The following NTNG1 variants were observed in gnomAD, a reference collection of about 807,000 sequenced individuals.
NTNG1 encodes netrin-G1.
A neutral mutation model predicts 54.0 loss-of-function variants in NTNG1; 16 were observed. That is an observed-to-expected ratio of 0.30 (90% CI 0.20 to 0.45). The LOEUF (loss-of-function observed/expected upper bound fraction) is 0.45, where lower values mean the gene tolerates loss of function less well. Ranked by LOEUF, NTNG1 falls within the 20% of genes least tolerant of loss-of-function variation. NTNG1 has a pLI of 1.00. For missense variants in NTNG1, 530 were observed against 678.7 expected (o/e 0.78, Z 2.43); for synonymous variants, 255 against 263.1 (o/e 0.97, Z 0.30).
chr1:107,371,303 A>G (rs578156975), intron 3 of NTNG1, among the ~76,000 whole-genome samples: 31 of 152,188 alleles, frequency 2.0e-4, no homozygotes, highest in African/African-American at 6.5e-4. Flanking sequence ...GCATTTCTGG[A>G]ATATACACAC....
intron 3 of NTNG1, among the ~76,000 whole-genome samples, chr1:107,373,142 A>G (rs1206424440): frequency 6.6e-6 from 1 of 151,932 alleles, no homozygotes; most frequent in East Asian, 1.9e-4. Context: ...TACTTGTCCC[A>G]TTCTTATTGT....
chr1:107,302,805 T>TA (rs1211848487), intron 2 of NTNG1, among the ~76,000 whole-genome samples: 1 of 152,194 alleles, frequency 6.6e-6, no homozygotes, highest in Non-Finnish European at 1.5e-5. Flanking sequence ...ACAGATGACT[T>TA]ACAGACATAT....
chr1:107,468,124 T>A (rs763814158), intron 7 of NTNG1, among the ~76,000 whole-genome samples: 29 of 152,088 alleles, frequency 1.9e-4, no homozygotes, highest in African/African-American at 4.8e-4. Context: ...GAAAAAAAAA[T>A]CATTAAGAAA....
Position 107,338,061 on chromosome 1 carries a change from C to A in NTNG1, c.887+13139C>A, listed in dbSNP as rs6667022. On this transcript the variant is annotated intron_variant, in intron 3 of 7. Coordinates refer to ENST00000370068, the MANE Select transcript of NTNG1 (RefSeq NM_001113226.3). ...GGTAAGCAATTGGAACCACTATAGG[C>A]CCTTGTAAAGTGGCCTATGTTGGGG... 9.9e-3 allele frequency among the ~76,000 whole-genome samples: 1,509 copies of A among 151,930 alleles called. 32 individuals carry two copies. Among genetic ancestry groups the A allele is most frequent in the African/African-American group, 0.035 (1,446 of 41,472 alleles).
rs181103270 is a variant in NTNG1, at chr1:107,315,887, A to G, written c.247-8395A>G. 1.3e-3 allele frequency among the ~76,000 whole-genome samples: 197 copies of G among 152,292 alleles called. 1 individual carries two copies. Among genetic ancestry groups the G allele is most frequent in the African/African-American group, 4.6e-3 (192 of 41,558 alleles). ...TATCCAATAACTATTTATTGAATGA[A>G]TGAATCAGTGAGTAAGTAAATAAAA... On this transcript the variant is annotated intron_variant, in intron 2 of 7. Coordinates refer to ENST00000370068, the MANE Select transcript of NTNG1 (RefSeq NM_001113226.3).
At chr1:107,320,813 G>C (rs1205502433) in intron 2 of NTNG1, among the ~76,000 whole-genome samples, 4 of 151,804 alleles carry the variant, frequency 2.6e-5, no homozygotes, top group African/African-American at 7.2e-5. Flanking sequence ...TCTCCTAAAA[G>C]AGCACGAGTG....
In NTNG1 at chr1:107,407,670, C is replaced by A. The variant is rs1362929243; in HGVS notation, c.1061-12C>A. ...GCTAACAGCTTTTCTTTATTGTTTT[C>A]TTTTTCTCCAGGTATCCCCAGTATT... On this transcript the variant is annotated splice_polypyrimidine_tract_variant and intron_variant, in intron 4 of 7. Transcript: ENST00000370068. 3 of 1,593,498 alleles carry A rather than the reference C, an allele frequency of 1.9e-6. No homozygotes were observed. In the East Asian group the frequency reaches 6.7e-5, roughly 36 times the overall value.
chr1:107,378,786 G>A (rs911750579), intron 3 of NTNG1, among the ~76,000 whole-genome samples: 1 of 152,124 alleles, frequency 6.6e-6, no homozygotes, highest in Admixed American at 6.5e-5. Flanking sequence ...GTTCCTCCTG[G>A]CTCAGTCTGG....
chr1:107,142,688 A>C (rs1036830324), intron 1 of NTNG1, among the ~76,000 whole-genome samples: 18 of 151,536 alleles, frequency 1.2e-4, no homozygotes, highest in South Asian at 8.3e-4. Flanking sequence ...AAAAAAAAAA[A>C]CCCAGGAAGA....
intron 3 of NTNG1, among the ~76,000 whole-genome samples, chr1:107,378,124 G>A (rs531257810): frequency 4.6e-5 from 7 of 152,258 alleles, no homozygotes; most frequent in South Asian, 2.1e-4. Flanking sequence ...ATTATTTTAC[G>A]TGCTTGCAAT....
At position 107,212,871 on chromosome 1, in the gene NTNG1, A is replaced by G. The variant is rs921528645; in HGVS notation, c.246+64032A>G. 3.9e-5 allele frequency among the ~76,000 whole-genome samples: 6 copies of G among 152,040 alleles called. No individual in the cohort carries two copies. In the East Asian group the frequency reaches 1.2e-3, roughly 29 times the overall value. ...AGTATATATCCAGCCTTTTGCATGT[A>G]TTAACTCACTTGATATGAGTTATGT... is the stretch of plus-strand genomic sequence containing the variant. On this transcript the variant is annotated intron_variant, in intron 2 of 7. Transcript: ENST00000370068.
intron 2 of NTNG1, among the ~76,000 whole-genome samples, chr1:107,191,349 T>G (rs1657911791): frequency 6.6e-6 from 1 of 152,142 alleles, no homozygotes. Context: ...ATGAGTAGGT[T>G]GCAAAAATTT....
chr1:107,419,119 G>A (rs1289002263), intron 5 of NTNG1, among the ~76,000 whole-genome samples: 1 of 151,524 alleles, frequency 6.6e-6, no homozygotes, highest in Admixed American at 6.6e-5. Context: ...GCAAAAATTT[G>A]GAGCAATCTG....
At chr1:107,418,634 AC>A in intron 5 of NTNG1, 1 of 1,598,366 alleles carries the variant, frequency 6.3e-7, no homozygotes, top group Non-Finnish European at 8.5e-7. Flanking sequence ...GAGGTTTCTA[AC>A]CCAAAACAAG....
chr1:107,379,013 T>C (rs985905444), intron 3 of NTNG1, among the ~76,000 whole-genome samples: 4 of 152,242 alleles, frequency 2.6e-5, no homozygotes, highest in Non-Finnish European at 5.9e-5. Context: ...TTGAAATACA[T>C]TATCTAATGG....
chr1:107,225,278 C>T (rs890678663), intron 2 of NTNG1, among the ~76,000 whole-genome samples: 1 of 151,874 alleles, frequency 6.6e-6, no homozygotes, highest in African/African-American at 2.4e-5. Context: ...TTGGGATTAG[C>T]AGACATCAAA....
At chr1:107,211,574 A>G (rs762634478) in intron 2 of NTNG1, among the ~76,000 whole-genome samples, 10 of 152,114 alleles carry the variant, frequency 6.6e-5, no homozygotes, top group Non-Finnish European at 1.0e-4. Flanking sequence ...ACATTGCAGC[A>G]TGAGGACAAG....
At chr1:107,320,384 G>A (rs1667583182) in intron 2 of NTNG1, among the ~76,000 whole-genome samples, 1 of 152,092 alleles carries the variant, frequency 6.6e-6, no homozygotes, top group Non-Finnish European at 1.5e-5. Flanking sequence ...GCAGCAAGAA[G>A]TGTACTTTGT....
chr1:107,261,869 G>A (rs1663369612), intron 2 of NTNG1, among the ~76,000 whole-genome samples: 1 of 151,998 alleles, frequency 6.6e-6, no homozygotes, highest in African/African-American at 2.4e-5. Flanking sequence ...CAAAAAAAAC[G>A]ATAACAACTA....
Sources: gnomAD v4.1 joint callset for allele counts (sites outside exome capture counted in the v4.1 genomes callset) on GRCh38, gnomAD v4.1.1 for gene constraint, MANE v1.5 for transcripts, NCBI Gene and HGNC (gene_info 2026-07-23, HGNC 2026-07-21) for gene names.